The following CDH4 variants were observed in gnomAD, a reference collection of about 807,000 sequenced individuals.
CDH4 encodes the protein cadherin-4.
In CDH4, 33 loss-of-function variants were observed where a neutral mutation model predicts 86.0. The ratio of observed to expected loss-of-function variants is 0.38; its 90% CI spans 0.29 to 0.51. The LOEUF (loss-of-function observed/expected upper bound fraction) is 0.51, where lower values mean the gene tolerates loss of function less well. Ranked by LOEUF, CDH4 falls within the 20% of genes least tolerant of loss-of-function variation. The pLI is 0.86. For missense variants in CDH4, 1,114 were observed against 1,307.4 expected (o/e 0.85, Z 2.28); for synonymous variants, 555 against 549.4 (o/e 1.01, Z -0.14).
intron 2 of CDH4, among the ~76,000 whole-genome samples, chr20:61,415,395 T>G (rs147087898): frequency 6.6e-6 from 1 of 152,354 alleles, no homozygotes; most frequent in Non-Finnish European, 1.5e-5. Context: ...TTTAACCATT[T>G]TAACCATTTT....
intron 2 of CDH4, among the ~76,000 whole-genome samples, chr20:61,448,049 C>T (rs1302409014): frequency 6.6e-6 from 1 of 152,198 alleles, no homozygotes; most frequent in African/African-American, 2.4e-5. Flanking sequence ...CTGGGGCTTT[C>T]TATGCTGATT....
chr20:61,301,960 T>C (rs1467728399), intron 2 of CDH4, among the ~76,000 whole-genome samples: 1 of 152,260 alleles, frequency 6.6e-6, no homozygotes, highest in African/African-American at 2.4e-5. Flanking sequence ...TACGCCATAC[T>C]TCCGTTGCTG....
chr20:61,469,370 G>A (rs138006884), intron 2 of CDH4, among the ~76,000 whole-genome samples: 36 of 152,266 alleles, frequency 2.4e-4, no homozygotes, highest in Non-Finnish European at 3.7e-4. Context: ...TTTGAGAAAT[G>A]TCTATTCAGA....
At chr20:61,290,726 C>G (rs1341168764) in intron 2 of CDH4, among the ~76,000 whole-genome samples, 1 of 152,182 alleles carries the variant, frequency 6.6e-6, no homozygotes, top group Non-Finnish European at 1.5e-5. Context: ...GAGAAGAGGA[C>G]CCAGCCACCC....
chr20:61,706,733 C>T (rs1360469398), intron 2 of CDH4, among the ~76,000 whole-genome samples: 2 of 152,212 alleles, frequency 1.3e-5, no homozygotes, highest in Admixed American at 6.5e-5. Flanking sequence ...GAGCCCGCTG[C>T]AGGCCAGTGG....
At chr20:61,497,956 G>A (rs2085674002) in intron 2 of CDH4, among the ~76,000 whole-genome samples, 1 of 149,140 alleles carries the variant, frequency 6.7e-6, no homozygotes, top group South Asian at 2.1e-4. Flanking sequence ...CTATTGCAAG[G>A]ACAAAAAACC....
intron 2 of CDH4, among the ~76,000 whole-genome samples, chr20:61,357,733 T>C (rs1362455730): frequency 1.3e-5 from 2 of 152,126 alleles, no homozygotes; most frequent in Non-Finnish European, 2.9e-5. Context: ...AAATCCCCTA[T>C]TTTCAAATAG....
At chr20:61,763,949 T>C (rs1017689742) in intron 3 of CDH4, among the ~76,000 whole-genome samples, 1 of 152,188 alleles carries the variant, frequency 6.6e-6, no homozygotes, top group Admixed American at 6.5e-5. Context: ...AAAAAGACGA[T>C]CATGTAAAGC....
chr20:61,707,384 A>T lies in CDH4; in HGVS notation c.170-36179A>T, dbSNP rs1258260692. 4.6e-5 allele frequency among the ~76,000 whole-genome samples: 7 copies of T among 152,252 alleles called. No homozygotes were observed. In the South Asian group the frequency reaches 1.4e-3, roughly 31 times the overall value. On this transcript the variant is annotated intron_variant, in intron 2 of 15. Coordinates refer to ENST00000614565, the MANE Select transcript of CDH4 (RefSeq NM_001794.5). ...ACAGTAAAGGAAACCTGGGCCTGTT[A>T]TACAGGGAAAGGACATCTTAAACCA... is the stretch of plus-strand genomic sequence containing the variant.
intron 3 of CDH4, among the ~76,000 whole-genome samples, chr20:61,763,512 G>A (rs2088662769): frequency 6.6e-6 from 1 of 152,346 alleles, no homozygotes; most frequent in Non-Finnish European, 1.5e-5. Context: ...CGTCCACCCT[G>A]CAGAGAGCCT....
At chr20:61,762,468 G>A (rs2145971653) in intron 3 of CDH4, among the ~76,000 whole-genome samples, 1 of 152,322 alleles carries the variant, frequency 6.6e-6, no homozygotes, top group African/African-American at 2.4e-5. Context: ...GAAAAGGAGG[G>A]CTCTGTTTTC....
chr20:61,837,287 T>G (rs1981926365), intron 4 of CDH4, among the ~76,000 whole-genome samples: 1 of 152,190 alleles, frequency 6.6e-6, no homozygotes, highest in African/African-American at 2.4e-5. Context: ...GTTCGTCTCC[T>G]GTGGAGCATC....
intron 2 of CDH4, among the ~76,000 whole-genome samples, chr20:61,428,882 A>G (rs879548293): frequency 6.6e-6 from 1 of 152,150 alleles, no homozygotes; most frequent in Non-Finnish European, 1.5e-5. Context: ...TGTTCCAGGG[A>G]AAATTGTGCA....
At chr20:61,760,406 G>A (rs554811722) in intron 3 of CDH4, among the ~76,000 whole-genome samples, 6 of 152,264 alleles carry the variant, frequency 3.9e-5, no homozygotes, top group Admixed American at 1.3e-4. Context: ...GGACTGCAGC[G>A]TGCTGGGTGA....
intron 8 of CDH4, among the ~76,000 whole-genome samples, chr20:61,898,508 G>A (rs1374792234): frequency 6.6e-6 from 1 of 152,142 alleles, no homozygotes; most frequent in African/African-American, 2.4e-5. Context: ...GATGGGTCCT[G>A]CAGTGAAGTT....
At chr20:61,411,103 C>G (rs1464822574) in intron 2 of CDH4, among the ~76,000 whole-genome samples, 3 of 148,664 alleles carry the variant, frequency 2.0e-5, no homozygotes, top group Non-Finnish European at 4.4e-5. Flanking sequence ...TTCTTCCAGT[C>G]ATTCATCCGT....
At position 61,254,891 on chromosome 20, in the gene CDH4, G is replaced by A. The variant is rs778491029; in HGVS notation, c.123G>A (p.Thr41=). The A allele has an allele frequency of 1.2e-6, 2 of 1,613,306 alleles. No homozygotes were observed. Among genetic ancestry groups the A allele is most frequent in the Non-Finnish European group, 8.5e-7 (1 of 1,179,288 alleles). ...CKAGFSEDDY[T]ALISQNILEG... is the part of the protein sequence containing the mutation. ...CTGGGTTCTCTGAAGATGATTACAC[G>A]GCATTAATCTCCCAAAATATTCTAG... The change falls in exon 2 of 16, where the codon ACG becomes ACA. Residue 41 remains threonine, a synonymous_variant. Transcript: ENST00000614565.
chr20:61,811,677 C>T lies in CDH4; in HGVS notation c.577-32991C>T, dbSNP rs933058787. ...CCGGGGTCACGCCCCTGGCTGCCTA[C>T]TGAGCTTTTTTTTTTTTTTTTTTGA... On this transcript the variant is annotated intron_variant, in intron 4 of 15. Coordinates refer to ENST00000614565, the MANE Select transcript of CDH4 (RefSeq NM_001794.5). This position sits in a 1 kb window ranked among gnomAD's most constrained non-coding sequence, Gnocchi z 4.4. 3.4e-5 allele frequency among the ~76,000 whole-genome samples: 5 copies of T among 145,130 alleles called. No individual in the cohort carries two copies. The highest frequency in any genetic ancestry group is 1.3e-4 in the African/African-American group (5 of 39,172).
rs549001061 is a variant in CDH4 at position 61,798,019 on chromosome 20, T to G, written c.576+24837T>G. Among the ~76,000 whole-genome samples, 4 of 152,198 alleles carry G rather than the reference T, an allele frequency of 2.6e-5. No homozygotes were observed. The South Asian group carries it at 8.3e-4, about 32-fold the overall frequency. On this transcript the variant is annotated intron_variant, in intron 4 of 15. Transcript: ENST00000614565. ...GAAAGCCAAAATGGAAAAGCACCAC[T>G]CCGGGGTCAGCTCCAGCCTCACTGA...
Sources: gnomAD v4.1 joint callset for allele counts (sites outside exome capture counted in the v4.1 genomes callset) on GRCh38, gnomAD v4.1.1 for gene constraint, Gnocchi (gnomAD v3.1) non-coding constraint, MANE v1.5 for transcripts, NCBI Gene and HGNC (gene_info 2026-07-23, HGNC 2026-07-21) for gene names.